The following ARHGAP29 variants were observed in gnomAD, a reference collection of about 807,000 sequenced individuals.
The protein encoded by ARHGAP29 is rho GTPase-activating protein 29.
In ARHGAP29, 43 loss-of-function variants were observed where a neutral mutation model predicts 122.6. The observed-to-expected ratio is 0.35, with a 90% CI of 0.27 to 0.45. The LOEUF (loss-of-function observed/expected upper bound fraction) is 0.45, where lower values mean the gene tolerates loss of function less well. Ranked by LOEUF, ARHGAP29 falls within the 20% of genes least tolerant of loss-of-function variation. The pLI is 1.00. For synonymous variants in ARHGAP29, 506 were observed against 497.1 expected (o/e 1.02, Z -0.24); for missense variants, 1,303 against 1,477.2 (o/e 0.88, Z 1.93).
rs999501136 is a variant in ARHGAP29 at position 94,169,831 on chromosome 1, C to T, written c.*4038G>A. On this transcript the variant is annotated 3_prime_UTR_variant, in exon 23 of 23. Transcript: ENST00000260526. Reference sequence around the variant, plus strand: ...GAGGGGAAAAAGCAATGAGGCATCTCTAAGGAACACAGAAGCCAGCTTGAA... The same window carrying T: ...GAGGGGAAAAAGCAATGAGGCATCTTTAAGGAACACAGAAGCCAGCTTGAA... Among the ~76,000 whole-genome samples the T allele has an allele frequency of 2.0e-5, 3 of 152,126 alleles. No individual in the cohort carries two copies. Among genetic ancestry groups the T allele is most frequent in the African/African-American group, 7.2e-5 (3 of 41,420 alleles).
At chr1:94,178,270 A>G in intron 20 of ARHGAP29, 103 bp from the exon 21 acceptor site, 1 of 1,105,750 alleles carries the variant, frequency 9.0e-7, no homozygotes, top group Non-Finnish European at 1.3e-6. Context: ...TGAGCTGCAC[A>G]AAAATACTAG....
intron 8 of ARHGAP29, 75 bp downstream of exon 8, chr1:94,203,855 T>C: frequency 7.7e-7 from 1 of 1,291,094 alleles, no homozygotes; most frequent in Non-Finnish European, 1.1e-6. Context: ...ACTGAAATAT[T>C]CTGATTTTGC....
intron 2 of ARHGAP29, among the ~76,000 whole-genome samples, chr1:94,228,093 C>A (rs181982931): frequency 1.3e-5 from 2 of 151,870 alleles, no homozygotes; most frequent in African/African-American, 4.8e-5. Flanking sequence ...GCCCTCTAAT[C>A]TTCCACATTA....
intron 2 of ARHGAP29, among the ~76,000 whole-genome samples, chr1:94,230,597 T>C (rs1652865052): frequency 6.6e-6 from 1 of 151,754 alleles, no homozygotes. Flanking sequence ...CATAGAAATA[T>C]TTATTGAAAT....
chr1:94,257,132 G>A (rs1235692643), intron 1 of ARHGAP29, among the ~76,000 whole-genome samples: 1 of 151,466 alleles, frequency 6.6e-6, no homozygotes, highest in Non-Finnish European at 1.5e-5. Context: ...GGCCGGGCAT[G>A]GTGGCTGACA....
At chr1:94,242,188 C>G (rs1350387111), upstream of ARHGAP29, among the ~76,000 whole-genome samples, 2 of 152,072 alleles carry the variant, frequency 1.3e-5, no homozygotes, top group African/African-American at 4.8e-5. Context: ...ATGGACGATT[C>G]CCAGGTTTCC....
chr1:94,279,727 C>T (rs528515587), upstream of ARHGAP29, among the ~76,000 whole-genome samples: 178 of 152,276 alleles, frequency 1.2e-3, 2 homozygotes, highest in South Asian at 0.016. Flanking sequence ...ATCCTTGGGC[C>T]GCACCTCTAC....
chr1:94,261,692 A>T (rs1360983071), intron 1 of ARHGAP29, among the ~76,000 whole-genome samples: 3 of 152,344 alleles, frequency 2.0e-5, no homozygotes, highest in African/African-American at 7.2e-5. Flanking sequence ...GAATACAGCT[A>T]ACAAGGGAGG....
chr1:94,249,721 A>G (rs1654006566), intron 1 of ARHGAP29, among the ~76,000 whole-genome samples: 1 of 152,032 alleles, frequency 6.6e-6, no homozygotes, highest in South Asian at 2.1e-4. Flanking sequence ...ATTGCACTCT[A>G]GCCTGGTCAA....
At chr1:94,271,541 A>C (rs1319420020) in intron 1 of ARHGAP29, among the ~76,000 whole-genome samples, 1 of 152,210 alleles carries the variant, frequency 6.6e-6, no homozygotes, top group Non-Finnish European at 1.5e-5. Flanking sequence ...ACTGTCTACC[A>C]CAAAACAGAT....
chr1:94,218,139 T>C (rs974535191), intron 3 of ARHGAP29, among the ~76,000 whole-genome samples: 5 of 152,206 alleles, frequency 3.3e-5, no homozygotes, highest in African/African-American at 1.2e-4. Context: ...AATTGGGGTA[T>C]CAATTATATT....
intron 12 of ARHGAP29, chr1:94,193,556 A>C (rs1309003543): frequency 6.6e-6 from 1 of 152,218 alleles, no homozygotes; most frequent in African/African-American, 2.4e-5. Flanking sequence ...AAAGAAAAAC[A>C]CATGCCACAA....
intron 14 of ARHGAP29, 76 bp from the exon 15 acceptor site, chr1:94,189,017 T>A: frequency 6.9e-7 from 1 of 1,449,846 alleles, no homozygotes. Context: ...TTCTATCAAG[T>A]GAGACAATTC....
the ARHGAP29 span, among the ~76,000 whole-genome samples, chr1:94,307,199 A>T: frequency 6.6e-6 from 1 of 152,104 alleles, no homozygotes; most frequent in Admixed American, 6.5e-5. Context: ...CCTGCTCCTG[A>T]GTGGCTGAAC....
chr1:94,177,509 A>C, intron 22 of ARHGAP29, 103 bp downstream of exon 22: 1 of 811,436 alleles, frequency 1.2e-6, no homozygotes, highest in East Asian at 2.8e-5. Flanking sequence ...ATAAAGCTTC[A>C]TTCTCTGGCT....
intron 18 of ARHGAP29, 99 bp from the exon 19 acceptor site, chr1:94,184,387 AT>A (rs1649663237): frequency 1.2e-6 from 1 of 860,034 alleles, no homozygotes; most frequent in South Asian, 2.1e-5. Context: ...TTTTCACTCT[AT>A]TTCAAATTTT....
upstream of ARHGAP29, among the ~76,000 whole-genome samples, chr1:94,240,249 T>C (rs1052982672): frequency 6.6e-6 from 1 of 152,210 alleles, no homozygotes; most frequent in Non-Finnish European, 1.5e-5. Context: ...AAACTATAAG[T>C]AAGGTTGTCT....
At chr1:94,256,008 A>G (rs1654331919) in intron 1 of ARHGAP29, among the ~76,000 whole-genome samples, 1 of 152,192 alleles carries the variant, frequency 6.6e-6, no homozygotes, top group Non-Finnish European at 1.5e-5. Context: ...TACACACATT[A>G]ACTCAGTCTT....
At chr1:94,250,392 A>G (rs774174879) in intron 1 of ARHGAP29, 3 of 152,248 alleles carry the variant, frequency 2.0e-5, no homozygotes, top group Non-Finnish European at 4.4e-5. Flanking sequence ...CTCCTCAACC[A>G]TGATGAATAA....
Sources: allele counts gnomAD v4.1 joint callset (sites outside exome capture counted in the v4.1 genomes callset), GRCh38; gene constraint gnomAD v4.1.1; transcripts MANE v1.5; gene names NCBI Gene and HGNC (gene_info 2026-07-23, HGNC 2026-07-21).